Variants in MSRB3 observed in about 807,000 individuals in gnomAD.
MSRB3 encodes the protein methionine-R-sulfoxide reductase B3.
A neutral mutation model predicts 21.0 loss-of-function variants in MSRB3; 13 were observed. That is an observed-to-expected ratio of 0.62 (90% CI 0.40 to 0.98). The LOEUF (loss-of-function observed/expected upper bound fraction) is 0.98. MSRB3 is among the 50% of genes least tolerant of loss of function. The pLI is 0.00. For synonymous variants in MSRB3, 87 were observed against 88.6 expected (o/e 0.98, Z 0.10); for missense variants, 199 against 230.3 (o/e 0.86, Z 0.88).
intron 5 of MSRB3, among the ~76,000 whole-genome samples, chr12:65,441,496 T>A (rs923916045): frequency 4.6e-5 from 7 of 152,030 alleles, no homozygotes; most frequent in Non-Finnish European, 8.8e-5. Context: ...GCTACTATTG[T>A]CTTTAAATTC....
intron 4 of MSRB3, among the ~76,000 whole-genome samples, chr12:65,346,317 G>T (rs1260574649): frequency 6.6e-6 from 1 of 152,090 alleles, no homozygotes; most frequent in Admixed American, 6.5e-5. Context: ...GTTTTGATTT[G>T]CATTTCTCTG....
At position 65,326,818 on chromosome 12, in the gene MSRB3, CTT is replaced by C. The variant is rs1367184914; in HGVS notation, c.77-5_77-4del. 2 of 1,611,122 alleles carry C rather than the reference CTT, an allele frequency of 1.2e-6. No individual in the cohort carries two copies. The highest frequency in any genetic ancestry group is 3.3e-5 in the Admixed American group (2 of 59,940). On this transcript the variant is annotated splice_polypyrimidine_tract_variant and splice_region_variant and intron_variant, in intron 2 of 6. Coordinates refer to ENST00000308259, the MANE Select transcript of MSRB3 (RefSeq NM_001031679.3). Reference sequence around the variant, plus strand: ...AGGCTTCTTCTCCCATATCCTCTCTCTTTTCAGGGTCGTGTAGGGATAAAAAG... The same window carrying C: ...AGGCTTCTTCTCCCATATCCTCTCTCTTCAGGGTCGTGTAGGGATAAAAAG...
At chr12:65,300,193 C>T (rs1873233442) in intron 1 of MSRB3, among the ~76,000 whole-genome samples, 1 of 152,126 alleles carries the variant, frequency 6.6e-6, no homozygotes, top group African/African-American at 2.4e-5. Flanking sequence ...ATCTTCACAT[C>T]GTCATTTTAT....
At chr12:65,423,358 A>G (rs1881421322) in intron 5 of MSRB3, among the ~76,000 whole-genome samples, 1 of 152,118 alleles carries the variant, frequency 6.6e-6, no homozygotes, top group African/African-American at 2.4e-5. Context: ...CTTTTTGCCT[A>G]ATTGCTCTGA....
At chr12:65,431,413 G>GTTTCTGTCTATTTCTGTGAA (rs1347706134) in intron 5 of MSRB3, among the ~76,000 whole-genome samples, 1 of 151,726 alleles carries the variant, frequency 6.6e-6, no homozygotes, top group Admixed American at 6.6e-5. Flanking sequence ...ACTTAGGCCC[G>GTTTCTGTCTATTTCTGTGAA]TTTCTGTCTA....
At chr12:65,424,989 A>C (rs558694015) in intron 5 of MSRB3, among the ~76,000 whole-genome samples, 5 of 96 alleles carry the variant, frequency 0.052, no homozygotes, top group South Asian at 0.33. Flanking sequence ...ATATATATAT[A>C]TCTCAATATT....
chr12:65,288,833 GTT>G (rs1872530989), intron 1 of MSRB3, among the ~76,000 whole-genome samples: 1 of 152,070 alleles, frequency 6.6e-6, no homozygotes, highest in Non-Finnish European at 1.5e-5. Context: ...TTCACTGTGA[GTT>G]TTAAAGAAAA....
intron 4 of MSRB3, among the ~76,000 whole-genome samples, chr12:65,339,528 T>G (rs1214104009): frequency 6.6e-6 from 1 of 152,138 alleles, no homozygotes; most frequent in Non-Finnish European, 1.5e-5. Context: ...AAATGTGGGG[T>G]TGGGAAGAGA....
At chr12:65,400,483 A>G (rs1045193474) in intron 5 of MSRB3, among the ~76,000 whole-genome samples, 1 of 151,908 alleles carries the variant, frequency 6.6e-6, no homozygotes, top group Admixed American at 6.6e-5. Flanking sequence ...TATTGTGTCT[A>G]TTTGATTCTT....
At chr12:65,422,428 A>ATATATATATATATATT (rs34413074) in intron 5 of MSRB3, among the ~76,000 whole-genome samples, 3 of 73,392 alleles carry the variant, frequency 4.1e-5, no homozygotes, top group Non-Finnish European at 5.1e-5. Flanking sequence ...ATATATATAT[A>ATATATATATATATATT]TATTTATTTA....
chr12:65,371,376 T>G (rs1878316349), intron 5 of MSRB3, among the ~76,000 whole-genome samples: 1 of 147,176 alleles, frequency 6.8e-6, no homozygotes, highest in African/African-American at 2.5e-5. Context: ...TTGGAACAAT[T>G]AAATAGGTTC....
chr12:65,328,078 ACTTAGAAAAATATTCC>A (rs1875170587), intron 3 of MSRB3, among the ~76,000 whole-genome samples: 1 of 152,194 alleles, frequency 6.6e-6, no homozygotes, highest in Non-Finnish European at 1.5e-5. Context: ...AAGATTGTTA[ACTTAGAAAAATATTCC>A]CTTAAAGCTG....
chr12:65,348,870 G>T lies in MSRB3; in HGVS notation c.264-20128G>T, dbSNP rs547281286. Among the ~76,000 whole-genome samples the T allele has an allele frequency of 1.8e-4, 28 of 152,246 alleles. No individual in the cohort carries two copies. In the South Asian group the frequency reaches 5.6e-3, roughly 30 times the overall value. On this transcript the variant is annotated intron_variant, in intron 4 of 6. Coordinates refer to ENST00000308259, the MANE Select transcript of MSRB3 (RefSeq NM_001031679.3). ...CCCAGTAGTCATTCAGGAGCAGGTT[G>T]TTCAGTTTCCATGTGGTTGTGCGGT... is the stretch of plus-strand genomic sequence containing the variant.
intron 3 of MSRB3, among the ~76,000 whole-genome samples, 174 bp downstream of exon 3, chr12:65,327,108 T>G (rs1482450193): frequency 1.3e-5 from 2 of 152,254 alleles, no homozygotes; most frequent in Non-Finnish European, 2.9e-5. Flanking sequence ...GACTAAGTTT[T>G]ATTTGTTCTT....
intron 5 of MSRB3, chr12:65,419,640 G>T: frequency 2.8e-6 from 2 of 708,804 alleles, no homozygotes; most frequent in South Asian, 2.9e-5. Context: ...TGAAATAATG[G>T]ACCCAGTCTC....
Position 65,418,441 on chromosome 12 carries a change from A to G in MSRB3, c.293-35287A>G, listed in dbSNP as rs141042028. ...GTGAGGTTTGCAAAGATTTTCTTCT[A>G]TCCTATAGGTTGTCTCTTTGTTGTT... On this transcript the variant is annotated intron_variant, in intron 5 of 6. Coordinates refer to ENST00000308259, the MANE Select transcript of MSRB3 (RefSeq NM_001031679.3). Among the ~76,000 whole-genome samples, 42 of 152,230 alleles carry G rather than the reference A, an allele frequency of 2.8e-4. 1 individual carries two copies. The East Asian group carries it at 7.9e-3, about 29-fold the overall frequency.
intron 2 of MSRB3, among the ~76,000 whole-genome samples, chr12:65,312,865 C>G (rs1318847268): frequency 1.3e-5 from 2 of 152,122 alleles, no homozygotes; most frequent in East Asian, 3.9e-4. Context: ...GAAGTCATAG[C>G]TGTAAGAGAG....
At chr12:65,304,503 A>C (rs1004519240) in intron 1 of MSRB3, among the ~76,000 whole-genome samples, 1 of 152,230 alleles carries the variant, frequency 6.6e-6, no homozygotes, top group Non-Finnish European at 1.5e-5. Flanking sequence ...AAAAAATAAC[A>C]TGTTGATTAG....
At chr12:65,458,819 T>C (rs1883200358) in intron 6 of MSRB3, among the ~76,000 whole-genome samples, 2 of 152,252 alleles carry the variant, frequency 1.3e-5, no homozygotes, top group Non-Finnish European at 2.9e-5. Context: ...AGAATTTTCC[T>C]TGATTTAATT....
Sources: gnomAD v4.1 joint callset for allele counts (sites outside exome capture counted in the v4.1 genomes callset) on GRCh38, gnomAD v4.1.1 for gene constraint, MANE v1.5 for transcripts, NCBI Gene and HGNC (gene_info 2026-07-23, HGNC 2026-07-21) for gene names.